Variants in RIIAD1 observed in about 807,000 individuals in gnomAD.
The protein encoded by RIIAD1 is RIIa domain-containing protein 1.
In RIIAD1, 15 loss-of-function variants were observed where a neutral mutation model predicts 13.3. That is an observed-to-expected ratio of 1.13 (90% confidence interval 0.76 to 1.74). The LOEUF (loss-of-function observed/expected upper bound fraction) is 1.74, where lower values mean the gene tolerates loss of function less well. Ranked by LOEUF, RIIAD1 falls within the 40% of genes most tolerant of loss-of-function variation. The pLI is 0.00. For missense variants in RIIAD1, 121 were observed against 112.2 expected (o/e 1.08, Z -0.35); for synonymous variants, 50 against 43.3 (o/e 1.16, Z -0.61).
chr1:151,728,162 A>T (rs1006723025), intron 3 of RIIAD1, among the ~76,000 whole-genome samples: 4 of 152,300 alleles, frequency 2.6e-5, no homozygotes, highest in South Asian at 2.1e-4. Context: ...CAGACCTCAA[A>T]CCATTGCTAA....
At chr1:151,712,808 A>AT (rs200640615) in intron 2 of RIIAD1, among the ~76,000 whole-genome samples, 5 of 152,072 alleles carry the variant, frequency 3.3e-5, no homozygotes, top group South Asian at 2.1e-4. Flanking sequence ...TAAATGTCTG[A>AT]TTTTTTTAAA....
upstream of RIIAD1, among the ~76,000 whole-genome samples, chr1:151,718,815 A>G (rs1673676775): frequency 6.6e-6 from 1 of 151,850 alleles, no homozygotes; most frequent in Non-Finnish European, 1.5e-5. Flanking sequence ...GTAACTTTCC[A>G]CTCACCTACC....
rs756830329 is a variant in RIIAD1 at position 151,722,106 on chromosome 1, C to T, written c.105C>T (p.Asn35=). The T allele has an allele frequency of 1.8e-5, 28 of 1,550,948 alleles. No homozygotes were observed. In the East Asian group the frequency reaches 4.4e-4, roughly 24 times the overall value. The change falls in exon 2 of 5, where the codon AAC becomes AAT. Residue 35 remains asparagine (N), a synonymous_variant. Transcript: ENST00000479191. ...RKFKIQTRIA[N]EKYLRTHKEV... The stretch of plus-strand genomic sequence containing the variant: ...CCCAGATTCAGACTCGGATTGCTAA[C>T]GAAAAGTACCTAAGGACCCACAAAG...
At chr1:151,715,578 C>T (rs1442850068) in intron 4 of RIIAD1, 3 of 1,379,636 alleles carry the variant, frequency 2.2e-6, no homozygotes, top group African/African-American at 1.4e-5. Context: ...CTCTCTTGTC[C>T]CTCCATTCTT....
At chr1:151,728,609 C>T in intron 3 of RIIAD1, 157 bp from the exon 4 acceptor site, 1 of 616,028 alleles carries the variant, frequency 1.6e-6, no homozygotes, top group Non-Finnish European at 2.9e-6. Flanking sequence ...AGTGACCGTT[C>T]ATTTTACCAT....
chr1:151,717,822 C>T (rs750013490), upstream of RIIAD1, among the ~76,000 whole-genome samples: 6 of 152,202 alleles, frequency 3.9e-5, no homozygotes, highest in Non-Finnish European at 8.8e-5. Context: ...GACCATTGCT[C>T]CCCTGACCAT....
chr1:151,715,622 T>C (rs1571940528), intron 4 of RIIAD1: 1 of 1,468,596 alleles, frequency 6.8e-7, no homozygotes, highest in Admixed American at 2.1e-5. Context: ...AACACACCCA[T>C]ATGTCTGGGA....
At chr1:151,717,460 T>A (rs956778013), upstream of RIIAD1, among the ~76,000 whole-genome samples, 5 of 152,252 alleles carry the variant, frequency 3.3e-5, no homozygotes, top group African/African-American at 1.2e-4. Flanking sequence ...CTGGGGGGTT[T>A]GTGTGTATAA....
intron 2 of RIIAD1, among the ~76,000 whole-genome samples, chr1:151,712,874 G>A (rs982246107): frequency 1.3e-5 from 2 of 151,986 alleles, no homozygotes; most frequent in African/African-American, 4.8e-5. Context: ...AGTTATGCAG[G>A]AGCTGACACA....
upstream of RIIAD1, chr1:151,716,817 C>A (rs1485200898): frequency 2.1e-6 from 1 of 465,336 alleles, no homozygotes; most frequent in Non-Finnish European, 4.4e-6. Context: ...CCCCTCCACA[C>A]CCCCCTCCCC....
intron 4 of RIIAD1, chr1:151,716,049 G>A (rs1242528379): frequency 6.3e-7 from 1 of 1,586,090 alleles, no homozygotes; most frequent in African/African-American, 1.3e-5. Context: ...GGGGCCGAGG[G>A]GAGCAGGGAG....
chr1:151,716,215 G>A (rs1017884709), intron 4 of RIIAD1: 9 of 572,670 alleles, frequency 1.6e-5, no homozygotes, highest in African/African-American at 3.7e-5. Flanking sequence ...AGTGCTAGGG[G>A]TCAGGGGTCT....
chr1:151,717,530 T>G (rs1485452033), upstream of RIIAD1, among the ~76,000 whole-genome samples: 2 of 152,250 alleles, frequency 1.3e-5, no homozygotes, highest in Non-Finnish European at 2.9e-5. Context: ...GTAAGCTCCT[T>G]GAAGACCAGG....
At chr1:151,713,566 C>T in the RIIAD1 span, 1 of 152,206 alleles carries the variant, frequency 6.6e-6, no homozygotes, top group African/African-American at 2.4e-5. Flanking sequence ...ACAGGGAAGG[C>T]AAGTTGGGAC....
Position 151,728,861 on chromosome 1 carries a change from G to C in RIIAD1, c.*25G>C. ...ATTAGCAAAATCATGATGCTCAGCT[G>C]TTGGGAGAGACCAGACGGAATCCAG... On this transcript the variant is annotated 3_prime_UTR_variant, in exon 4 of 5. Coordinates refer to ENST00000479191, the MANE Select transcript of RIIAD1 (RefSeq NM_001144956.3). The C allele has an allele frequency of 7.2e-7, 1 of 1,380,064 alleles. No individual in the cohort carries two copies. The highest frequency in any genetic ancestry group is 1.0e-6 in the Non-Finnish European group (1 of 990,656). The allele number at this position is 1,380,064 out of a possible 1,614,324, so 85.5% of individuals were successfully genotyped here.
At chr1:151,717,346 G>A (rs1673560030), upstream of RIIAD1, among the ~76,000 whole-genome samples, 2 of 152,086 alleles carry the variant, frequency 1.3e-5, no homozygotes, top group African/African-American at 2.4e-5. Context: ...GGAGAAGGAG[G>A]AGCAGGATGA....
At chr1:151,718,349 A>G (rs1479922252), upstream of RIIAD1, among the ~76,000 whole-genome samples, 1 of 152,214 alleles carries the variant, frequency 6.6e-6, no homozygotes, top group Non-Finnish European at 1.5e-5. Flanking sequence ...TAACTTGCCT[A>G]AAGCCATGCA....
intron 3 of RIIAD1, chr1:151,728,554 T>C: frequency 1.9e-6 from 1 of 525,508 alleles, no homozygotes. Context: ...GAGCCCTTCC[T>C]GGGAATGTTG....
upstream of RIIAD1, among the ~76,000 whole-genome samples, chr1:151,720,385 A>G (rs1461365711): frequency 1.3e-5 from 2 of 151,896 alleles, no homozygotes; most frequent in Non-Finnish European, 2.9e-5. Flanking sequence ...ATGGCAGCTT[A>G]TCTCTCTCTC....
Sources: gnomAD v4.1 joint callset for allele counts (sites outside exome capture counted in the v4.1 genomes callset) on GRCh38, gnomAD v4.1.1 for gene constraint, MANE v1.5 for transcripts, NCBI Gene and HGNC (gene_info 2026-07-23, HGNC 2026-07-21) for gene names.